The following LMNTD1 variants were observed in gnomAD, a reference collection of about 807,000 sequenced individuals.
LMNTD1 encodes lamin tail domain containing 1, also known as lamin tail domain-containing protein 1.
Under a neutral mutation model 50.9 loss-of-function variants are expected in LMNTD1, and 35 were observed. That is an observed-to-expected ratio of 0.69 (90% CI 0.53 to 0.91). The LOEUF (loss-of-function observed/expected upper bound fraction) is 0.91, where lower values mean the gene tolerates loss of function less well. Ranked by LOEUF, LMNTD1 falls within the 40% of genes least tolerant of loss-of-function variation. The probability of loss-of-function intolerance (pLI) is 0.00; values close to 1 mark genes in which losing one functional copy is unlikely to be tolerated. For missense variants in LMNTD1, 470 were observed against 475.5 expected (o/e 0.99, Z 0.11); for synonymous variants, 153 against 161.9 (o/e 0.94, Z 0.42).
At chr12:25,508,006 TCAA>T (rs1235066558) in intron 8 of LMNTD1, among the ~76,000 whole-genome samples, 1 of 152,068 alleles carries the variant, frequency 6.6e-6, no homozygotes, top group Non-Finnish European at 1.5e-5. Context: ...TTTGAGTTCA[TCAA>T]CGTGTTTTTT....
At chr12:25,518,732 A>G in intron 8 of LMNTD1, 63 bp downstream of exon 8, 4 of 1,418,272 alleles carry the variant, frequency 2.8e-6, no homozygotes, top group Non-Finnish European at 4.0e-6. Context: ...TTAACCCACT[A>G]GTTAACACAT....
intron 9 of LMNTD1, among the ~76,000 whole-genome samples, chr12:25,479,771 G>T (rs1938385085): frequency 6.6e-6 from 1 of 152,166 alleles, no homozygotes; most frequent in South Asian, 2.1e-4. Flanking sequence ...ACAAATCGCT[G>T]CCCTTTTCAT....
intron 9 of LMNTD1, among the ~76,000 whole-genome samples, chr12:25,489,449 G>A (rs528530527): frequency 1.7e-4 from 25 of 150,044 alleles, no homozygotes; most frequent in Non-Finnish European, 3.1e-4. Flanking sequence ...GACCCCTTGC[G>A]CTTCCCAGGT....
chr12:25,496,563 C>T (rs1394555121), intron 9 of LMNTD1, among the ~76,000 whole-genome samples: 5 of 152,148 alleles, frequency 3.3e-5, no homozygotes, highest in African/African-American at 1.2e-4. Context: ...ATAATGTCAA[C>T]GGTGTGGCCC....
intron 4 of LMNTD1, among the ~76,000 whole-genome samples, chr12:25,527,677 TATATACACACACACACAC>T (rs1187127832): frequency 4.1e-4 from 8 of 19,576 alleles, no homozygotes; most frequent in East Asian, 7.2e-3. Flanking sequence ...TATATATATA[TATATACACACACACACAC>T]ACACACACAC....
chr12:25,478,703 T>G (rs989994535), intron 9 of LMNTD1, among the ~76,000 whole-genome samples: 1 of 152,124 alleles, frequency 6.6e-6, no homozygotes, highest in Non-Finnish European at 1.5e-5. Context: ...GGAGAATCAC[T>G]TCAACCTGGG....
intron 1 of LMNTD1, among the ~76,000 whole-genome samples, chr12:25,630,062 A>G (rs957757762): frequency 6.6e-6 from 1 of 152,182 alleles, no homozygotes; most frequent in African/African-American, 2.4e-5. Flanking sequence ...GGCTAAAACC[A>G]TTGCCACTTT....
At chr12:25,519,790 G>T (rs942487561) in intron 7 of LMNTD1, 68 bp downstream of exon 7, 2 of 999,096 alleles carry the variant, frequency 2.0e-6, no homozygotes, top group Non-Finnish European at 1.6e-6. Flanking sequence ...TCATCTAGTC[G>T]TTCCCACATG....
chr12:25,515,575 T>C (rs1487813182), intron 8 of LMNTD1, among the ~76,000 whole-genome samples: 1 of 152,158 alleles, frequency 6.6e-6, no homozygotes, highest in Non-Finnish European at 1.5e-5. Flanking sequence ...TTTTTCTTTT[T>C]GGTAATGTGA....
chr12:25,627,925 C>T (rs894533794), intron 1 of LMNTD1, among the ~76,000 whole-genome samples: 3 of 151,204 alleles, frequency 2.0e-5, no homozygotes, highest in African/African-American at 4.9e-5. Context: ...CTGGCTAACA[C>T]GGTGAAACCC....
chr12:25,625,835 C>T (rs1946577651), intron 1 of LMNTD1, among the ~76,000 whole-genome samples: 1 of 152,144 alleles, frequency 6.6e-6, no homozygotes, highest in African/African-American at 2.4e-5. Flanking sequence ...GGGATGGCAC[C>T]TCTGCCTCCC....
At chr12:25,586,563 G>A (rs1022819423) in intron 1 of LMNTD1, among the ~76,000 whole-genome samples, 2 of 152,160 alleles carry the variant, frequency 1.3e-5, no homozygotes, top group Non-Finnish European at 2.9e-5. Flanking sequence ...ACCAACGGGA[G>A]GTAGGTTGAA....
At chr12:25,574,181 T>C (rs1768048716) in intron 1 of LMNTD1, among the ~76,000 whole-genome samples, 1 of 152,212 alleles carries the variant, frequency 6.6e-6, no homozygotes, top group Non-Finnish European at 1.5e-5. Context: ...TTTGCAACTC[T>C]AGAACCCTTT....
intron 1 of LMNTD1, among the ~76,000 whole-genome samples, chr12:25,572,171 G>T (rs1227425472): frequency 6.6e-6 from 1 of 152,098 alleles, no homozygotes; most frequent in Non-Finnish European, 1.5e-5. Flanking sequence ...AAAGAGCATT[G>T]TCATAAGAAT....
chr12:25,551,295 C>T (rs556265719), intron 2 of LMNTD1, among the ~76,000 whole-genome samples: 4 of 152,276 alleles, frequency 2.6e-5, no homozygotes, highest in African/African-American at 9.6e-5. Flanking sequence ...CAGAAGACTC[C>T]CAAGAAGGCT....
At chr12:25,569,394 G>C (rs892250190) in intron 1 of LMNTD1, among the ~76,000 whole-genome samples, 3 of 152,168 alleles carry the variant, frequency 2.0e-5, no homozygotes, top group African/African-American at 7.2e-5. Context: ...AACTTGTTTT[G>C]ATTTTGTAGT....
intron 1 of LMNTD1, among the ~76,000 whole-genome samples, chr12:25,605,930 G>C (rs1439694224): frequency 6.6e-6 from 1 of 152,112 alleles, no homozygotes; most frequent in Non-Finnish European, 1.5e-5. Context: ...TGGGCAGTAT[G>C]GCCATTTTCA....
intron 1 of LMNTD1, among the ~76,000 whole-genome samples, chr12:25,624,687 G>A (rs954040755): frequency 1.1e-4 from 16 of 152,166 alleles, no homozygotes; most frequent in African/African-American, 3.9e-4. Flanking sequence ...AGTTTCTGAA[G>A]TTACTATAGT....
intron 1 of LMNTD1, 24 bp downstream of exon 1, chr12:25,553,045 T>G: frequency 6.2e-7 from 1 of 1,609,930 alleles, no homozygotes; most frequent in Non-Finnish European, 8.5e-7. Context: ...TCAAGGCAGA[T>G]TTTTCTTTTC....
Sources: gnomAD v4.1 joint callset for allele counts (sites outside exome capture counted in the v4.1 genomes callset) on GRCh38, gnomAD v4.1.1 for gene constraint, MANE v1.5 for transcripts, NCBI Gene and HGNC (gene_info 2026-07-23, HGNC 2026-07-21) for gene names.